SEPTIN9: variants seen among roughly 807,000 people sequenced by gnomAD.
The protein encoded by SEPTIN9 is septin-9.
Under a neutral mutation model 56.6 loss-of-function variants are expected in SEPTIN9, and 13 were observed. That is an observed-to-expected ratio of 0.23 (90% CI 0.15 to 0.37). The LOEUF (loss-of-function observed/expected upper bound fraction) is 0.37. Ranked by LOEUF, SEPTIN9 falls within the 10% of genes least tolerant of loss-of-function variation. SEPTIN9 has a pLI of 1.00. For missense variants in SEPTIN9, 650 were observed against 823.1 expected (o/e 0.79, Z 2.57); for synonymous variants, 332 against 334.1 (o/e 0.99, Z 0.07).
At chr17:77,383,880 C>T (rs919198210) in intron 2 of SEPTIN9, among the ~76,000 whole-genome samples, 4 of 152,256 alleles carry the variant, frequency 2.6e-5, no homozygotes, top group African/African-American at 9.6e-5. Context: ...CTCAGTGCCT[C>T]AGTTTCCCAT....
rs1026702474 is a variant in SEPTIN9, at chr17:77,456,504, C to G, written c.722-25640C>G. On this transcript the variant is annotated intron_variant, in intron 3 of 11. Coordinates refer to ENST00000427177, the MANE Select transcript of SEPTIN9 (RefSeq NM_001113491.2). This position sits in a 1 kb window ranked among gnomAD's most constrained non-coding sequence, Gnocchi z 6.0. ...TCCTCCAGCACCAGGTCCCCACCAC[C>G]AGGTATGGGCCCCACAGGCACTACT... 1.3e-5 allele frequency: 2 copies of G among 152,530 alleles called. No individual in the cohort carries two copies. Among genetic ancestry groups the G allele is most frequent in the Non-Finnish European group, 1.5e-5 (1 of 68,308 alleles). The allele number at this position is 152,530 out of a possible 1,614,324, so 9.4% of individuals were successfully genotyped here.
chr17:77,298,486 C>T (rs373197878), intron 1 of SEPTIN9, among the ~76,000 whole-genome samples: 339 of 152,322 alleles, frequency 2.2e-3, no homozygotes, highest in African/African-American at 7.5e-3. Flanking sequence ...CCTTCCCCAC[C>T]GCAGCTGCTG....
At chr17:77,446,562 G>C (rs992679249) in intron 3 of SEPTIN9, 3 of 158,856 alleles carry the variant, frequency 1.9e-5, no homozygotes, top group Non-Finnish European at 4.4e-5. Flanking sequence ...TGTTGGCCAG[G>C]CTGGTCTTGA....
intron 3 of SEPTIN9, chr17:77,466,327 C>T: frequency 1.1e-6 from 1 of 950,830 alleles, no homozygotes; most frequent in Middle Eastern, 5.4e-4. Flanking sequence ...GTGGTCAGGC[C>T]CGGGCCAGGC....
chr17:77,425,009 G>A lies in SEPTIN9; in HGVS notation c.721+22306G>A, dbSNP rs945778616. On this transcript the variant is annotated intron_variant, in intron 3 of 11. Coordinates refer to ENST00000427177, the MANE Select transcript of SEPTIN9 (RefSeq NM_001113491.2). This position sits in a 1 kb window ranked among gnomAD's most constrained non-coding sequence, Gnocchi z 4.2. Reference sequence around the variant, plus strand: ...TAGGGTGAGGGTAACCAGGACTTACGCATAGTTGGGCGAAGTCGAGTGACC... The same window carrying A: ...TAGGGTGAGGGTAACCAGGACTTACACATAGTTGGGCGAAGTCGAGTGACC... Among the ~76,000 whole-genome samples the A allele has an allele frequency of 2.6e-5, 4 of 152,336 alleles. No individual in the cohort carries two copies. Among genetic ancestry groups the A allele is most frequent in the Admixed American group, 2.0e-4 (3 of 15,310 alleles).
At chr17:77,308,020 C>T (rs1437815817) in intron 2 of SEPTIN9, among the ~76,000 whole-genome samples, 1 of 152,224 alleles carries the variant, frequency 6.6e-6, no homozygotes, top group Non-Finnish European at 1.5e-5. Flanking sequence ...GCTGTCACTT[C>T]CAGCGGCCAG....
At chr17:77,351,502 C>T (rs1188748294) in intron 2 of SEPTIN9, among the ~76,000 whole-genome samples, 1 of 152,236 alleles carries the variant, frequency 6.6e-6, no homozygotes, top group Admixed American at 6.5e-5. Flanking sequence ...GGAGACACGT[C>T]TGCAGCTCTG....
rs114322325 is a variant in SEPTIN9, at chr17:77,372,816, C to T, written c.77-29243C>T. Among the ~76,000 whole-genome samples, 1,247 of 152,324 alleles carry T rather than the reference C, an allele frequency of 8.2e-3. 12 individuals are homozygous for T. The highest frequency in any genetic ancestry group is 0.027 in the African/African-American group (1,142 of 41,566). Reference sequence around the variant, plus strand: ...GGTGCCATGGGACTCGCATGTTCGCCCTGCGCCCCTCGGCTCTTGAGCCCA... The same window carrying T: ...GGTGCCATGGGACTCGCATGTTCGCTCTGCGCCCCTCGGCTCTTGAGCCCA... On this transcript the variant is annotated intron_variant, in intron 2 of 11. Coordinates refer to ENST00000427177, the MANE Select transcript of SEPTIN9 (RefSeq NM_001113491.2).
chr17:77,392,564 G>A (rs1363428906), intron 2 of SEPTIN9, among the ~76,000 whole-genome samples: 3 of 152,116 alleles, frequency 2.0e-5, no homozygotes, highest in Non-Finnish European at 4.4e-5. Flanking sequence ...GGCCTCCTGC[G>A]GACTGGGCCG....
intron 2 of SEPTIN9, chr17:77,376,800 A>C (rs1433079087): frequency 1.3e-5 from 2 of 152,188 alleles, no homozygotes; most frequent in African/African-American, 4.8e-5. Flanking sequence ...TCGGAGTTAA[A>C]ATTCTGCCAA....
At chr17:77,423,209 T>C (rs2036766301) in intron 3 of SEPTIN9, among the ~76,000 whole-genome samples, 1 of 152,088 alleles carries the variant, frequency 6.6e-6, no homozygotes, top group African/African-American at 2.4e-5. Flanking sequence ...CTAATTTTTG[T>C]ATTTTTAGTA....
At chr17:77,295,296 A>G (rs1011113259) in intron 1 of SEPTIN9, among the ~76,000 whole-genome samples, 1 of 152,098 alleles carries the variant, frequency 6.6e-6, no homozygotes, top group Non-Finnish European at 1.5e-5. Flanking sequence ...TGACCTGGAG[A>G]TTGGCAGCAG....
chr17:77,388,983 C>T (rs560729965), intron 2 of SEPTIN9, among the ~76,000 whole-genome samples: 3 of 152,034 alleles, frequency 2.0e-5, no homozygotes, highest in East Asian at 1.9e-4. Context: ...AGAGCTTGTC[C>T]GGGAGGCTGG....
intron 4 of SEPTIN9, among the ~76,000 whole-genome samples, chr17:77,485,155 GTGA>G (rs1252412952): frequency 0.039 from 170 of 4,352 alleles, 2 homozygotes; most frequent in Middle Eastern, 0.14. Context: ...TGTGATGGGG[GTGA>G]TGATGGTAAT....
rs35546945 is a variant in SEPTIN9 at position 77,310,649 on chromosome 17, A to G, written c.76+3452A>G. Among the ~76,000 whole-genome samples, 20,409 of 151,996 alleles carry G rather than the reference A, an allele frequency of 0.13. 1,681 individuals carry two copies. The highest frequency in any genetic ancestry group is 0.23 in the African/African-American group (9,513 of 41,398). ...CTCAGCCCTTCTAGATGTTACCACCACGCCCTCCCGAGTGGCCTTCTGGTA... is the reference window on the plus strand; with the variant it reads ...CTCAGCCCTTCTAGATGTTACCACCGCGCCCTCCCGAGTGGCCTTCTGGTA... On this transcript the variant is annotated intron_variant, in intron 2 of 11. Transcript: ENST00000427177. This position sits in a 1 kb window ranked among gnomAD's most constrained non-coding sequence, Gnocchi z 4.7.
intron 2 of SEPTIN9, among the ~76,000 whole-genome samples, chr17:77,377,987 G>T (rs1286552360): frequency 6.6e-6 from 1 of 152,158 alleles, no homozygotes; most frequent in East Asian, 1.9e-4. Flanking sequence ...TTTGAGTTCA[G>T]AGCCCAGGGC....
chr17:77,482,373 G>A, intron 4 of SEPTIN9, 38 bp downstream of exon 4: 1 of 1,599,854 alleles, frequency 6.3e-7, no homozygotes, highest in Non-Finnish European at 8.5e-7. Flanking sequence ...ACCAATGCCG[G>A]AAACCAGCCT....
chr17:77,481,943 G>A, intron 3 of SEPTIN9: 1 of 600,334 alleles, frequency 1.7e-6, no homozygotes, highest in South Asian at 2.1e-5. Flanking sequence ...CGTGGCTGCA[G>A]GATGGCAGCT....
In SEPTIN9 at chr17:77,319,786, C is replaced by T. The variant is rs1237748655; in HGVS notation, c.76+12589C>T. 1.9e-6 allele frequency: 2 copies of T among 1,073,994 alleles called. No homozygotes were observed. Among genetic ancestry groups the T allele is most frequent in the South Asian group, 4.2e-5 (1 of 23,712 alleles). The allele number at this position is 1,073,994 out of a possible 1,614,324, so 66.5% of individuals were successfully genotyped here. A position where few individuals can be genotyped will look rare whatever the true frequency, so the allele number is the denominator to read the frequency against. ...AGGGAAAATGAAAGACTTTGGAAGT[C>T]GTCAGGAATTTGACTCTGTGAGTTG... is the stretch of plus-strand genomic sequence containing the variant. On this transcript the variant is annotated intron_variant, in intron 2 of 11. Coordinates refer to ENST00000427177, the MANE Select transcript of SEPTIN9 (RefSeq NM_001113491.2). The surrounding 1 kb of genome is among the most constrained non-coding windows in gnomAD (Gnocchi z 5.3).
Sources: allele counts gnomAD v4.1 joint callset (sites outside exome capture counted in the v4.1 genomes callset), GRCh38; gene constraint gnomAD v4.1.1; non-coding constraint Gnocchi (gnomAD v3.1); transcripts MANE v1.5; gene names NCBI Gene and HGNC (gene_info 2026-07-23, HGNC 2026-07-21).